Variants in TRMT44 observed in about 807,000 individuals in gnomAD.
TRMT44 encodes probable tRNA (uracil-O(2)-)-methyltransferase.
A neutral mutation model predicts 77.3 loss-of-function variants in TRMT44; 78 were observed. The ratio of observed to expected loss-of-function variants is 1.01; its 90% CI spans 0.84 to 1.22. The LOEUF (loss-of-function observed/expected upper bound fraction) is 1.22, where lower values mean the gene tolerates loss of function less well. Ranked by LOEUF, TRMT44 falls within the 50% of genes most tolerant of loss-of-function variation. The pLI, the probability that TRMT44 is intolerant of heterozygous loss-of-function variation, is 0.00. For synonymous variants in TRMT44, 391 were observed against 383.3 expected (o/e 1.02, Z -0.23); for missense variants, 1,090 against 964.4 (o/e 1.13, Z -1.73).
At chr4:8,510,034 A>T in the TRMT44 span, among the ~76,000 whole-genome samples, 2 of 152,068 alleles carry the variant, frequency 1.3e-5, no homozygotes, top group African/African-American at 4.8e-5. Flanking sequence ...GCAGCTGCAG[A>T]GCGAGATCCG....
intron 2 of TRMT44, among the ~76,000 whole-genome samples, chr4:8,447,291 A>G (rs1725116443): frequency 6.6e-6 from 1 of 152,222 alleles, no homozygotes; most frequent in Non-Finnish European, 1.5e-5. Flanking sequence ...TTAATTCCAT[A>G]TGGTATTTGG....
chr4:8,507,888 GT>G, the TRMT44 span, among the ~76,000 whole-genome samples: 1 of 145,098 alleles, frequency 6.9e-6, no homozygotes, highest in Non-Finnish European at 1.5e-5. Context: ...ACATCTGGCA[GT>G]TTTTGCTTTG....
At chr4:8,456,067 C>A (rs1480007340) in intron 6 of TRMT44, among the ~76,000 whole-genome samples, 1 of 152,160 alleles carries the variant, frequency 6.6e-6, no homozygotes, top group East Asian at 1.9e-4. Flanking sequence ...CTTACACAAA[C>A]CCAGACTGTA....
rs140638651 is a variant in TRMT44, at chr4:8,444,113, G to A, written c.620-2363G>A. Among the ~76,000 whole-genome samples, 770 of 152,286 alleles carry A rather than the reference G, an allele frequency of 5.1e-3. 5 individuals carry two copies. The highest frequency in any genetic ancestry group is 0.018 in the African/African-American group (737 of 41,556). ...AGACAGATTACTTAATCTGTTGAAC[G>A]CCTGGTTTTCTCATCTAGAACAGAG... On this transcript the variant is annotated intron_variant, in intron 1 of 10. Transcript: ENST00000389737. The surrounding 1 kb of genome is among the most constrained non-coding windows in gnomAD (Gnocchi z 4.0).
At chr4:8,473,933 C>T (rs528702883) in intron 10 of TRMT44, among the ~76,000 whole-genome samples, 5 of 152,286 alleles carry the variant, frequency 3.3e-5, no homozygotes, top group South Asian at 2.1e-4. Flanking sequence ...CTGCGCCGTT[C>T]GGGAGCCTCA....
At chr4:8,442,900 G>A (rs1334186652) in intron 1 of TRMT44, among the ~76,000 whole-genome samples, 2 of 152,180 alleles carry the variant, frequency 1.3e-5, no homozygotes, top group African/African-American at 2.4e-5. Context: ...GAGTTAGGCC[G>A]GGCTCACCTG....
At chr4:8,515,048 C>T in the TRMT44 span, among the ~76,000 whole-genome samples, 6 of 152,312 alleles carry the variant, frequency 3.9e-5, no homozygotes, top group African/African-American at 1.2e-4. Context: ...TCACTGTAAC[C>T]TCCACCTCCT....
the TRMT44 span, chr4:8,512,616 T>G: frequency 6.6e-6 from 1 of 152,358 alleles, no homozygotes; most frequent in East Asian, 1.9e-4. Flanking sequence ...TTTGTACGCC[T>G]GAATTTATGA....
chr4:8,442,941 C>T (rs1159771182), intron 1 of TRMT44, among the ~76,000 whole-genome samples: 1 of 152,212 alleles, frequency 6.6e-6, no homozygotes, highest in Non-Finnish European at 1.5e-5. Flanking sequence ...CTCTTGAGGT[C>T]TGTAACCATA....
intron 2 of TRMT44, among the ~76,000 whole-genome samples, chr4:8,448,480 C>T (rs963188127): frequency 1.3e-5 from 2 of 152,114 alleles, no homozygotes; most frequent in African/African-American, 2.4e-5. Flanking sequence ...GGAAGAGAGG[C>T]GGATGAAGGA....
chr4:8,488,144 G>T (rs1334301133), intron 2 of TRMT44, among the ~76,000 whole-genome samples: 1 of 152,164 alleles, frequency 6.6e-6, no homozygotes. Context: ...TGTTTCTTGG[G>T]CTGGTTGGTC....
intron 2 of TRMT44, among the ~76,000 whole-genome samples, chr4:8,488,956 C>T (rs1490984369): frequency 6.6e-6 from 1 of 152,134 alleles, no homozygotes; most frequent in Non-Finnish European, 1.5e-5. Flanking sequence ...GGGAGCAGCA[C>T]CACCCACAAG....
At chr4:8,467,241 C>T (rs972367338) in intron 8 of TRMT44, among the ~76,000 whole-genome samples, 11 of 152,316 alleles carry the variant, frequency 7.2e-5, no homozygotes, top group African/African-American at 2.2e-4. Context: ...AACTCTGCAG[C>T]GTTACCATCA....
In TRMT44 at chr4:8,464,038, A is replaced by G. The variant is rs1188082327; in HGVS notation, c.1257A>G (p.Leu419=). Residue 419 remains leucine (L), a synonymous_variant, in exon 7 of 11, where the codon TTA becomes TTG. Coordinates refer to ENST00000389737, the MANE Select transcript of TRMT44 (RefSeq NM_152544.3). ...CCCTTTTCCCTGATGTTGATTGGTT[A>G]ATCGGTAACCATTCTGATGAACTCA... ...DKTLFPDVDW[L]IGNHSDELTP... The G allele has an allele frequency of 5.6e-6, 9 of 1,614,142 alleles. No individual in the cohort carries two copies. The highest frequency in any genetic ancestry group is 6.8e-6 in the Non-Finnish European group (8 of 1,180,010).
chr4:8,454,660 C>A, intron 5 of TRMT44, 82 bp from the exon 6 acceptor site: 2 of 1,351,214 alleles, frequency 1.5e-6, no homozygotes, highest in South Asian at 1.2e-5. Flanking sequence ...GCTGGCAGTG[C>A]CTGCAGAACT....
At chr4:8,450,792 G>GTTTTTTTTTTTTTTTTTTTTTT (rs59875098) in intron 3 of TRMT44, among the ~76,000 whole-genome samples, 1 of 96,674 alleles carries the variant, frequency 1.0e-5, no homozygotes, top group Admixed American at 1.3e-4. Flanking sequence ...TCATTTCCAT[G>GTTTTTTTTTTTTTTTTTTTTTT]TTTTTTTTTT....
At chr4:8,456,252 A>T (rs1245899099) in intron 6 of TRMT44, among the ~76,000 whole-genome samples, 1 of 152,206 alleles carries the variant, frequency 6.6e-6, no homozygotes, top group Admixed American at 6.5e-5. Context: ...GCTGTGTGAC[A>T]CCGATCACCT....
chr4:8,484,522 A>AG (rs1444584901), intron 2 of TRMT44, among the ~76,000 whole-genome samples: 2 of 152,246 alleles, frequency 1.3e-5, no homozygotes, highest in Admixed American at 6.5e-5. Flanking sequence ...AGCCTAAAAC[A>AG]GTAAGGTCAA....
chr4:8,492,673 G>C (rs1200474006), intron 2 of TRMT44, among the ~76,000 whole-genome samples: 2 of 152,172 alleles, frequency 1.3e-5, no homozygotes, highest in African/African-American at 4.8e-5. Context: ...TCCCTCACAA[G>C]GAAATTCCTT....
Sources: allele counts gnomAD v4.1 joint callset (sites outside exome capture counted in the v4.1 genomes callset), GRCh38; gene constraint gnomAD v4.1.1; non-coding constraint Gnocchi (gnomAD v3.1); transcripts MANE v1.5; gene names NCBI Gene and HGNC (gene_info 2026-07-23, HGNC 2026-07-21).